The following HPSE variants were observed in gnomAD, a reference collection of about 807,000 sequenced individuals.
HPSE encodes heparanase.
Under a neutral mutation model 65.1 loss-of-function variants are expected in HPSE, and 48 were observed. The observed-to-expected ratio is 0.74, with a 90% CI of 0.58 to 0.94. The LOEUF is 0.94. HPSE is among the 40% of genes least tolerant of loss of function. The pLI, the probability that HPSE is intolerant of heterozygous loss-of-function variation, is 0.00. For missense variants in HPSE, 644 were observed against 637.5 expected, an observed-to-expected ratio of 1.01 and a Z score of -0.11; for synonymous variants, 243 against 260.0, an observed-to-expected ratio of 0.93 and a Z score of 0.63.
intron 3 of HPSE, among the ~76,000 whole-genome samples, chr4:83,318,342 T>G (rs1222991992): frequency 1.3e-5 from 2 of 152,072 alleles, no homozygotes; most frequent in Non-Finnish European, 2.9e-5. Context: ...AAAAGGATTG[T>G]GGCCAGGAGT....
chr4:83,315,947 C>T (rs1578017496), intron 3 of HPSE, among the ~76,000 whole-genome samples: 2 of 152,160 alleles, frequency 1.3e-5, no homozygotes, highest in South Asian at 4.1e-4. Flanking sequence ...ATTATACACC[C>T]CCTATAACAT....
At position 83,298,823 on chromosome 4, in the gene HPSE, C is replaced by T. The variant is rs534001216; in HGVS notation, c.1472+2137G>A. ...AGCCTGGGAGACAGAATGAGACCCC[C>T]GCCTCAAAAATAATGATAATGATAG... On this transcript the variant is annotated intron_variant, in intron 11 of 11. Transcript: ENST00000311412. Among the ~76,000 whole-genome samples the T allele has an allele frequency of 3.9e-4, 60 of 152,072 alleles. No individual in the cohort carries two copies. In the South Asian group the frequency reaches 5.8e-3, roughly 15 times the overall value.
chr4:83,308,662 A>T (rs1344196658), intron 8 of HPSE, among the ~76,000 whole-genome samples, 183 bp downstream of exon 8: 1 of 152,222 alleles, frequency 6.6e-6, no homozygotes, highest in Non-Finnish European at 1.5e-5. Context: ...AATTTGGAAC[A>T]CTTGTTAAAG....
rs757661122 is a variant in HPSE, at chr4:83,310,736, A to T, written c.828T>A (p.Ala276=). The T allele has an allele frequency of 7.4e-6, 12 of 1,612,210 alleles. No homozygotes were observed. The highest frequency in any genetic ancestry group is 3.4e-6 in the Non-Finnish European group (4 of 1,179,396). The change falls in exon 5 of 12, where the codon GCT becomes GCA. Residue 276 remains alanine, a synonymous_variant. Coordinates refer to ENST00000311412, the MANE Select transcript of HPSE (RefSeq NM_001098540.3). ...PDVGQPRRKT[A]KMLKSFLKAG... The stretch of plus-strand genomic sequence containing the variant: ...CTAGTTCCTACCTCTTCAGCATCTT[A>T]GCCGTCTTTCTTCGAGGCTGACCAA...
chr4:83,306,165 T>C (rs1736139298), intron 9 of HPSE, 38 bp downstream of exon 9: 2 of 1,258,372 alleles, frequency 1.6e-6, no homozygotes, highest in Non-Finnish European at 1.2e-6. Context: ...TTGACTTTAA[T>C]CTACTCCACT....
At chr4:83,304,404 C>T (rs182977793) in intron 9 of HPSE, among the ~76,000 whole-genome samples, 1 of 151,944 alleles carries the variant, frequency 6.6e-6, no homozygotes, top group South Asian at 2.1e-4. Flanking sequence ...GCCTTTAGCT[C>T]GAAATAATCC....
chr4:83,314,712 G>A (rs1736559821), intron 3 of HPSE, among the ~76,000 whole-genome samples: 1 of 152,104 alleles, frequency 6.6e-6, no homozygotes, highest in Non-Finnish European at 1.5e-5. Flanking sequence ...GTTTGTTAAA[G>A]AGTAATTCAT....
rs199700457 is a variant in HPSE at position 83,313,435 on chromosome 4, AC to A, written c.500-149del. 8.2e-3 allele frequency: 4,582 copies of A among 556,242 alleles called. 158 individuals are homozygous for A. Among genetic ancestry groups the A allele is most frequent in the African/African-American group, 0.075 (3,933 of 52,332 alleles). The allele number at this position is 556,242 out of a possible 1,614,324, so 34.5% of individuals were successfully genotyped here. On this transcript the variant is annotated intron_variant, in intron 3 of 11. Coordinates refer to ENST00000311412, the MANE Select transcript of HPSE (RefSeq NM_001098540.3). The stretch of plus-strand genomic sequence containing the variant: ...TGATTATAATTATGTTTTTGAGACA[AC>A]AAAATTGGACAAATTAAAAAAAATC...
upstream of HPSE, chr4:83,334,889 G>A (rs1355233411): frequency 1.4e-6 from 2 of 1,421,764 alleles, no homozygotes; most frequent in South Asian, 1.5e-5. Context: ...CCTTTCCTCC[G>A]CCCCGTTACG....
chr4:83,315,929 G>A (rs559777510), intron 3 of HPSE, among the ~76,000 whole-genome samples: 1 of 152,180 alleles, frequency 6.6e-6, no homozygotes, highest in African/African-American at 2.4e-5. Context: ...TACATAGCTC[G>A]AAATTCTATT....
In HPSE at chr4:83,309,508, G is replaced by A; in HGVS notation, c.891-13C>T. On this transcript the variant is annotated splice_polypyrimidine_tract_variant and intron_variant, in intron 6 of 11. Coordinates refer to ENST00000311412, the MANE Select transcript of HPSE (RefSeq NM_001098540.3). ...ATTCAAATAGTAGCTAAATTACACAGAAAATATTCAGAAAAAAAATAACAA... is the reference window on the plus strand; with the variant it reads ...ATTCAAATAGTAGCTAAATTACACAAAAAATATTCAGAAAAAAAATAACAA... 1 of 1,316,706 alleles carries A rather than the reference G, an allele frequency of 7.6e-7. No individual in the cohort carries two copies. The highest frequency in any genetic ancestry group is 1.5e-5 in the African/African-American group (1 of 67,324). 81.6% of individuals were successfully genotyped at this position (1,316,706 alleles called of 1,614,324 possible).
intron 3 of HPSE, among the ~76,000 whole-genome samples, chr4:83,316,319 G>A (rs990295457): frequency 3.4e-5 from 5 of 146,154 alleles, no homozygotes; most frequent in South Asian, 2.2e-4. Context: ...GAGCCACCAC[G>A]TCTGGCCACA....
Position 83,294,618 on chromosome 4 carries a change from A to C in HPSE, c.*726T>G, listed in dbSNP as rs954104169. On this transcript the variant is annotated 3_prime_UTR_variant, in exon 12 of 12. Coordinates refer to ENST00000311412, the MANE Select transcript of HPSE (RefSeq NM_001098540.3). ...ACAAAAAATTTTTTAAAAATAGCCA[A>C]GTGTGATGGCATGTGTCTGTGGTCC... 6.6e-6 allele frequency: 1 copy of C among 152,200 alleles called. No individual in the cohort carries two copies. The highest frequency in any genetic ancestry group is 1.5e-5 in the Non-Finnish European group (1 of 68,092). 9.4% of individuals were successfully genotyped at this position (152,200 alleles called of 1,614,324 possible).
chr4:83,334,912 T>A (rs1390595430), upstream of HPSE: 9 of 1,376,172 alleles, frequency 6.5e-6, no homozygotes, highest in South Asian at 1.5e-5. Context: ...TCCTCACCCC[T>A]CCCACTGCGC....
At chr4:83,316,035 C>CT (rs200830278) in intron 3 of HPSE, among the ~76,000 whole-genome samples, 3,293 of 150,804 alleles carry the variant, frequency 0.022, 127 homozygotes, top group African/African-American at 0.075. Flanking sequence ...TTTCTTTTCT[C>CT]TTTTTTTTTG....
chr4:83,322,733 C>G (rs1213639517), intron 1 of HPSE, among the ~76,000 whole-genome samples: 3 of 151,138 alleles, frequency 2.0e-5, no homozygotes, highest in South Asian at 2.1e-4. Context: ...AATTGAAGGA[C>G]TGATCTTCTA....
chr4:83,322,260 G>T lies in HPSE; in HGVS notation c.332C>A (p.Thr111Asn), dbSNP rs368442272. The change falls in exon 2 of 12, where the codon ACC becomes AAC. Residue 111 changes from threonine to asparagine, a missense_variant. By Grantham distance (65) the Thr-to-Asn change is moderately conservative. Transcript: ENST00000311412. The part of the protein sequence containing the change: ...FLIFDPKKES[T>N]FEERSYWQSQ... ...TTGCCAGTAACTTCTCTCTTCAAAG[G>T]TTGATTCCTTCTTGGGATCGAAAAT... The T allele has an allele frequency of 1.4e-5, 22 of 1,613,892 alleles. No individual in the cohort carries two copies. The highest frequency in any genetic ancestry group is 1.7e-5 in the Non-Finnish European group (20 of 1,179,884).
intron 11 of HPSE, among the ~76,000 whole-genome samples, chr4:83,295,909 T>C (rs780513774): frequency 6.6e-6 from 1 of 152,214 alleles, no homozygotes; most frequent in Non-Finnish European, 1.5e-5. Flanking sequence ...ATATATAGAA[T>C]TGAATGCAGT....
intron 4 of HPSE, among the ~76,000 whole-genome samples, chr4:83,312,105 A>C (rs1253356853): frequency 6.6e-6 from 1 of 152,102 alleles, no homozygotes; most frequent in East Asian, 1.9e-4. Flanking sequence ...ATGAGAAAGG[A>C]AGGGATGAAT....
Sources: allele counts gnomAD v4.1 joint callset (sites outside exome capture counted in the v4.1 genomes callset), GRCh38; gene constraint gnomAD v4.1.1; transcripts MANE v1.5; gene names NCBI Gene and HGNC (gene_info 2026-07-23, HGNC 2026-07-21).